Variants in PPEF1 observed in about 807,000 individuals in gnomAD.
The protein encoded by PPEF1 is serine/threonine-protein phosphatase with EF-hands 1.
A neutral mutation model predicts 53.3 loss-of-function variants in PPEF1; 12 were observed. The ratio of observed to expected loss-of-function variants is 0.23; its 90% CI spans 0.14 to 0.36. PPEF1 has a LOEUF of 0.36. Ranked by LOEUF, PPEF1 falls within the 10% of genes least tolerant of loss-of-function variation. PPEF1 has a pLI of 1.00. For missense variants in PPEF1, 334 were observed against 490.4 expected, an observed-to-expected ratio of 0.68 and a Z score of 3.01; for synonymous variants, 165 against 176.7, an observed-to-expected ratio of 0.93 and a Z score of 0.52.
chrX:18,724,314 A>G (rs1399892138), intron 1 of PPEF1, among the ~76,000 whole-genome samples: 1 of 111,928 alleles, frequency 8.9e-6, no homozygotes, highest in African/African-American at 3.2e-5. Flanking sequence ...ATCACGTTGA[A>G]GTAGATGATC....
chrX:18,690,006 C>T (rs1417823163), intron 3 of PPEF1, among the ~76,000 whole-genome samples: 3 of 110,205 alleles, frequency 2.7e-5, no homozygotes, highest in Non-Finnish European at 3.8e-5. Flanking sequence ...AGGCTTTGCT[C>T]GACCCCCCAC....
rs1263127202 is a variant in PPEF1, at chrX:18,776,208, T to TGTGG, written c.559-2801_559-2798dup. Among the ~76,000 whole-genome samples, 4 of 83,544 alleles carry TGTGG rather than the reference T, an allele frequency of 4.8e-5. 1 individual carries two copies. Among genetic ancestry groups the TGTGG allele is most frequent in the Admixed American group, 3.8e-4 (3 of 7,976 alleles). 72.5% of individuals were successfully genotyped at this position (83,544 alleles called of 115,157 possible). On this transcript the variant is annotated intron_variant, in intron 6 of 15. Transcript: ENST00000470157. ...GATGCAGAATCCTTCCCCCTTTCTT[T>TGTGG]GTGGTTGGTTGGTTGGTTGGTTGGT...
At chrX:18,682,972 G>A (rs141856389), upstream of PPEF1, among the ~76,000 whole-genome samples, 843 of 111,695 alleles carry the variant, frequency 7.5e-3, 5 homozygotes, top group African/African-American at 0.025. Context: ...GGATGAAGGA[G>A]GAGCAAAGGG....
At chrX:18,743,026 C>T (rs185869160) in intron 3 of PPEF1, among the ~76,000 whole-genome samples, 37 of 111,928 alleles carry the variant, frequency 3.3e-4, no homozygotes, top group Non-Finnish European at 5.1e-4. Context: ...CATACTCTAT[C>T]GGTTAAAACA....
At chrX:18,818,017 C>T in intron 12 of PPEF1, 22 bp from the exon 13 acceptor site, 1 of 1,038,686 alleles carries the variant, frequency 9.6e-7, no homozygotes, top group East Asian at 3.2e-5. Context: ...TTACTTTTAC[C>T]TAATTATTGT....
intron 11 of PPEF1, 48 bp downstream of exon 11, chrX:18,804,125 GCA>G (rs1300994735): frequency 9.3e-7 from 1 of 1,078,276 alleles, no homozygotes; most frequent in African/African-American, 1.9e-5. Context: ...CTTCCCCTAA[GCA>G]CAGTCTTTTC....
At chrX:18,802,751 T>G (rs1049135557) in intron 10 of PPEF1, among the ~76,000 whole-genome samples, 1 of 111,562 alleles carries the variant, frequency 9.0e-6, no homozygotes, top group Non-Finnish European at 1.9e-5. Context: ...GGGGAGCTAA[T>G]TTCTTCCCTG....
intron 13 of PPEF1, among the ~76,000 whole-genome samples, chrX:18,820,675 G>A (rs893851709): frequency 5.4e-5 from 6 of 110,120 alleles, no homozygotes; most frequent in Admixed American, 1.9e-4. Context: ...GTGAGCCACC[G>A]CGCCTGGCCA....
intron 5 of PPEF1, among the ~76,000 whole-genome samples, chrX:18,760,404 C>G (rs2045636073): frequency 9.0e-6 from 1 of 111,054 alleles, no homozygotes; most frequent in Admixed American, 9.6e-5. Context: ...ATTTCAGATG[C>G]TGCTACTGGA....
intron 2 of PPEF1, among the ~76,000 whole-genome samples, chrX:18,684,919 A>T (rs1316205472): frequency 9.0e-6 from 1 of 111,556 alleles, no homozygotes; most frequent in Non-Finnish European, 1.9e-5. Context: ...GAGCCACCAC[A>T]CCCGGCAGAG....
At position 18,800,657 on chromosome X, in the gene PPEF1, A is replaced by G. The variant is rs1489101776; in HGVS notation, c.1066-3235A>G. ...TTCTATCATGTCAAGGAGCTCATTG[A>G]ATGCTTGTTGCTTTTGCACCATTGT... On this transcript the variant is annotated intron_variant, in intron 10 of 15. Coordinates refer to ENST00000470157, the MANE Select transcript of PPEF1 (RefSeq NM_001377996.1). Among the ~76,000 whole-genome samples the G allele has an allele frequency of 2.7e-5, 3 of 111,795 alleles. No individual in the cohort carries two copies. In the East Asian group the frequency reaches 8.3e-4, roughly 31 times the overall value.
At chrX:18,729,175 C>A (rs1028715757) in intron 1 of PPEF1, among the ~76,000 whole-genome samples, 4 of 108,948 alleles carry the variant, frequency 3.7e-5, no homozygotes, top group African/African-American at 1.3e-4. Context: ...TCATTTCATC[C>A]TCATAGAAAC....
chrX:18,703,724 G>A (rs758597792), upstream of PPEF1, among the ~76,000 whole-genome samples: 1 of 110,744 alleles, frequency 9.0e-6, no homozygotes, highest in African/African-American at 3.3e-5. Flanking sequence ...TTTATATGCA[G>A]TTGTGTTTGT....
chrX:18,789,129 T>C lies in PPEF1; in HGVS notation c.921T>C (p.Ser307=), dbSNP rs760491685. The change falls in exon 10 of 16, where the codon TCT becomes TCC. Residue 307 remains serine, a synonymous_variant. Transcript: ENST00000470157. The part of the protein sequence containing the change: ...LHRVERNKMK[S]VLIPPTETNR... The stretch of plus-strand genomic sequence containing the variant: ...ATGAATTTGTTTTATAGATGAAATC[T>C]GTGCTGATACCACCAACGGAAACAA... The C allele has an allele frequency of 1.7e-5, 20 of 1,209,980 alleles. No individual in the cohort carries two copies. Among genetic ancestry groups the C allele is most frequent in the Non-Finnish European group, 2.0e-5 (18 of 894,881 alleles).
intron 6 of PPEF1, among the ~76,000 whole-genome samples, chrX:18,764,744 C>G (rs1387665009): frequency 9.0e-6 from 1 of 111,482 alleles, no homozygotes; most frequent in Non-Finnish European, 1.9e-5. Flanking sequence ...CCTGGTCATT[C>G]TTTATCTAGA....
intron 3 of PPEF1, among the ~76,000 whole-genome samples, chrX:18,689,970 C>G (rs10126712): frequency 0.064 from 7,050 of 110,317 alleles, 491 homozygotes; most frequent in African/African-American, 0.21. Context: ...CTTCCACTGT[C>G]AGGTCAAAGA....
upstream of PPEF1, among the ~76,000 whole-genome samples, chrX:18,682,160 G>A (rs1473444154): frequency 8.9e-6 from 1 of 112,666 alleles, no homozygotes; most frequent in Non-Finnish European, 1.9e-5. Context: ...GGTGCGCACT[G>A]CTGCCTCCTC....
At chrX:18,782,037 C>T (rs939596466) in intron 7 of PPEF1, among the ~76,000 whole-genome samples, 4 of 112,073 alleles carry the variant, frequency 3.6e-5, no homozygotes, top group African/African-American at 1.3e-4. Flanking sequence ...CCCCAGCTAC[C>T]ACAGCATGCT....
At chrX:18,785,273 C>T (rs1489025912) in intron 9 of PPEF1, among the ~76,000 whole-genome samples, 1 of 111,494 alleles carries the variant, frequency 9.0e-6, no homozygotes, top group African/African-American at 3.3e-5. Flanking sequence ...TCACAGTTAC[C>T]GAATTTAAGT....
Sources: gnomAD v4.1 joint callset for allele counts (sites outside exome capture counted in the v4.1 genomes callset) on GRCh38, gnomAD v4.1.1 for gene constraint, MANE v1.5 for transcripts, NCBI Gene and HGNC (gene_info 2026-07-23, HGNC 2026-07-21) for gene names.